ST8SIA1: variants seen among roughly 807,000 people sequenced by gnomAD.
ST8SIA1 encodes the protein alpha-N-acetylneuraminide alpha-2,8-sialyltransferase.
A neutral mutation model predicts 35.9 loss-of-function variants in ST8SIA1; 16 were observed. The ratio of observed to expected loss-of-function variants is 0.45; its 90% confidence interval spans 0.30 to 0.68. ST8SIA1 has a LOEUF of 0.68. Ranked by LOEUF, ST8SIA1 falls within the 30% of genes least tolerant of loss-of-function variation. ST8SIA1 has a pLI of 0.09. For synonymous variants in ST8SIA1, 170 were observed against 169.6 expected (o/e 1.00, Z -0.02); for missense variants, 383 against 453.6 (o/e 0.84, Z 1.41).
chr12:22,286,673 T>C lies in ST8SIA1; in HGVS notation c.381+476A>G, dbSNP rs1046871623. On this transcript the variant is annotated intron_variant, in intron 2 of 4. Coordinates refer to ENST00000396037, the MANE Select transcript of ST8SIA1 (RefSeq NM_003034.4). ...CTTCAAAAGTGGTCAAGTTGAATTA[T>C]TCCTCTCCATATCCACCACTCCTCC... 30 of 429,314 alleles carry C rather than the reference T, an allele frequency of 7.0e-5. No individual in the cohort carries two copies. In the Admixed American group the frequency reaches 8.3e-4, roughly 12 times the overall value. The allele number at this position is 429,314 out of a possible 1,614,324, so 26.6% of individuals were successfully genotyped here.
intron 2 of ST8SIA1, among the ~76,000 whole-genome samples, chr12:22,279,029 C>A (rs989047953): frequency 6.6e-6 from 1 of 152,190 alleles, no homozygotes; most frequent in Non-Finnish European, 1.5e-5. Flanking sequence ...TCTGTATTGT[C>A]AGCCTCCACA....
intron 2 of ST8SIA1, among the ~76,000 whole-genome samples, chr12:22,259,506 C>T (rs1173166334): frequency 6.6e-6 from 1 of 151,880 alleles, no homozygotes; most frequent in African/African-American, 2.4e-5. Flanking sequence ...CTCCCTCTCG[C>T]CCAGGCCAGA....
chr12:22,259,198 T>C (rs1865759719), intron 2 of ST8SIA1, among the ~76,000 whole-genome samples: 1 of 152,086 alleles, frequency 6.6e-6, no homozygotes, highest in Non-Finnish European at 1.5e-5. Context: ...ACCTTAACAA[T>C]TAGTAATAAT....
chr12:22,203,761 G>A lies in ST8SIA1; in HGVS notation c.585-1723C>T, dbSNP rs978632964. On this transcript the variant is annotated intron_variant, in intron 4 of 4. Transcript: ENST00000396037. ...TGCTTAGCAATTCCTTTCTTCCATC[G>A]CCCACCCATATCTTCTAATATGGGT... 3.3e-5 allele frequency among the ~76,000 whole-genome samples: 5 copies of A among 151,806 alleles called. No homozygotes were observed. The South Asian group carries it at 8.3e-4, about 25-fold the overall frequency.
intron 2 of ST8SIA1, among the ~76,000 whole-genome samples, chr12:22,276,913 T>G (rs558422131): frequency 1.4e-4 from 22 of 152,120 alleles, no homozygotes; most frequent in Non-Finnish European, 3.1e-4. Context: ...CTGCAAGACT[T>G]GTACCTGAGT....
chr12:22,250,406 T>C (rs901681824), intron 3 of ST8SIA1, among the ~76,000 whole-genome samples: 1 of 152,196 alleles, frequency 6.6e-6, no homozygotes, highest in African/African-American at 2.4e-5. Flanking sequence ...AGAAATAGCA[T>C]ACAAAAATAA....
At chr12:22,293,465 C>T (rs1866204837) in intron 1 of ST8SIA1, among the ~76,000 whole-genome samples, 1 of 152,220 alleles carries the variant, frequency 6.6e-6, no homozygotes, top group Non-Finnish European at 1.5e-5. Context: ...TTCCTGCAGA[C>T]AGCTAAATCA....
chr12:22,325,460 C>T (rs377539086), intron 1 of ST8SIA1: 8 of 702,110 alleles, frequency 1.1e-5, no homozygotes, highest in Non-Finnish European at 2.1e-5. Flanking sequence ...AATGCCACAG[C>T]TAGAAGACAG....
At chr12:22,270,641 T>C (rs1451932309) in intron 2 of ST8SIA1, among the ~76,000 whole-genome samples, 2 of 152,100 alleles carry the variant, frequency 1.3e-5, no homozygotes, top group Non-Finnish European at 2.9e-5. Context: ...TGATAGACAA[T>C]GGAGACTCAG....
At chr12:22,208,547 GC>G (rs1308554946) in intron 4 of ST8SIA1, among the ~76,000 whole-genome samples, 1 of 152,056 alleles carries the variant, frequency 6.6e-6, no homozygotes, top group Admixed American at 6.5e-5. Context: ...ATTGAAAGAT[GC>G]CTCCCCAGAT....
chr12:22,307,291 T>C (rs962321661), intron 1 of ST8SIA1, among the ~76,000 whole-genome samples: 3 of 152,186 alleles, frequency 2.0e-5, no homozygotes, highest in African/African-American at 7.2e-5. Context: ...ATTTCACAAA[T>C]GTCAGTCTCC....
At chr12:22,265,978 C>T (rs1257512003) in intron 2 of ST8SIA1, among the ~76,000 whole-genome samples, 1 of 152,024 alleles carries the variant, frequency 6.6e-6, no homozygotes, top group Non-Finnish European at 1.5e-5. Context: ...CTCTCAACAC[C>T]CTAAACTTCC....
chr12:22,220,039 A>G (rs1337838087), intron 4 of ST8SIA1, among the ~76,000 whole-genome samples: 1 of 152,180 alleles, frequency 6.6e-6, no homozygotes, highest in Non-Finnish European at 1.5e-5. Flanking sequence ...TGTAATCACA[A>G]CATAGCCTAA....
rs1372106260 is a variant in ST8SIA1 at position 22,302,947 on chromosome 12, T to C, written c.237-15654A>G. 2.0e-5 allele frequency among the ~76,000 whole-genome samples: 3 copies of C among 152,092 alleles called. No individual in the cohort carries two copies. The East Asian group carries it at 5.8e-4, about 29-fold the overall frequency. ...CCAATGTACATCTTACATATATCAA[T>C]GGATGTCTTATGTCTCCCTAAAATG... On this transcript the variant is annotated intron_variant, in intron 1 of 4. Coordinates refer to ENST00000396037, the MANE Select transcript of ST8SIA1 (RefSeq NM_003034.4).
intron 2 of ST8SIA1, among the ~76,000 whole-genome samples, chr12:22,260,019 C>T (rs1865770897): frequency 6.6e-6 from 1 of 151,888 alleles, no homozygotes; most frequent in Admixed American, 6.6e-5. Flanking sequence ...CTCCTTGTAC[C>T]TATGCAAGAA....
At chr12:22,213,126 T>C (rs1412725309) in intron 4 of ST8SIA1, among the ~76,000 whole-genome samples, 3 of 152,060 alleles carry the variant, frequency 2.0e-5, no homozygotes, top group Non-Finnish European at 2.9e-5. Flanking sequence ...GACATGAAGA[T>C]AGTTTCAACA....
In ST8SIA1 at chr12:22,248,085, C is replaced by T. The variant is rs543692156; in HGVS notation, c.584+921G>A. ...GGTACATTTGGGGAGGGTAATTTAA[C>T]AATATCTCCCAAAATTAAAAGCTGA... is the stretch of plus-strand genomic sequence containing the variant. On this transcript the variant is annotated intron_variant, in intron 4 of 4. Transcript: ENST00000396037. Among the ~76,000 whole-genome samples the T allele has an allele frequency of 2.4e-3, 370 of 152,224 alleles. 6 individuals carry two copies. The highest frequency in any genetic ancestry group is 8.5e-3 in the African/African-American group (354 of 41,522).
intron 3 of ST8SIA1, 113 bp from the exon 4 acceptor site, chr12:22,249,211 T>C: frequency 1.4e-6 from 1 of 713,140 alleles, no homozygotes; most frequent in Non-Finnish European, 2.3e-6. Context: ...AGTAACTGTT[T>C]TGTTTTTTGT....
chr12:22,261,662 T>C (rs1865793506), intron 2 of ST8SIA1, among the ~76,000 whole-genome samples: 1 of 152,184 alleles, frequency 6.6e-6, no homozygotes, highest in African/African-American at 2.4e-5. Flanking sequence ...CCTTATATTG[T>C]AATGAATATA....
Sources: gnomAD v4.1 joint callset for allele counts (sites outside exome capture counted in the v4.1 genomes callset) on GRCh38, gnomAD v4.1.1 for gene constraint, MANE v1.5 for transcripts, NCBI Gene and HGNC (gene_info 2026-07-23, HGNC 2026-07-21) for gene names.